Variants in SLIT2 observed in about 807,000 individuals in gnomAD.
SLIT2 encodes slit guidance ligand 2.
SLIT2 carries 41 observed loss-of-function variants against 185.7 expected under a neutral mutation model. That is an observed-to-expected ratio of 0.22 (90% CI 0.17 to 0.29). The LOEUF is 0.29. Among genes scored for constraint, SLIT2 ranks in the 10% least tolerant of loss-of-function variants. The probability of loss-of-function intolerance (pLI) is 1.00; values close to 1 mark genes in which losing one functional copy is unlikely to be tolerated. For missense variants in SLIT2, 1,571 were observed against 1,909.0 expected (o/e 0.82, Z 3.30); for synonymous variants, 693 against 680.2 (o/e 1.02, Z -0.29).
intron 4 of SLIT2, among the ~76,000 whole-genome samples, chr4:20,435,114 G>A (rs979018905): frequency 8.5e-5 from 13 of 152,238 alleles, no homozygotes; most frequent in Non-Finnish European, 1.9e-4. Flanking sequence ...TGGCAACATT[G>A]CTCCTTATTT....
intron 4 of SLIT2, among the ~76,000 whole-genome samples, chr4:20,400,818 G>A (rs1310528105): frequency 6.6e-6 from 1 of 151,794 alleles, no homozygotes; most frequent in African/African-American, 2.4e-5. Flanking sequence ...CTAAGAAAGA[G>A]ATCAGAAGTT....
chr4:20,344,583 A>G (rs564307934), intron 4 of SLIT2, among the ~76,000 whole-genome samples: 228 of 152,062 alleles, frequency 1.5e-3, no homozygotes, highest in African/African-American at 5.0e-3. Context: ...TGTAGTCAAT[A>G]TTTTCTCTTT....
rs199787404 is a variant in SLIT2 at position 20,480,676 on chromosome 4, T to C, written c.468-40T>C. On this transcript the variant is annotated intron_variant, in intron 5 of 36. Coordinates refer to ENST00000504154, the MANE Select transcript of SLIT2 (RefSeq NM_004787.4). ...TTCTCATCACCTACCCCAGCTACTG[T>C]CCATCCCTTCTACATATATTCTTCT... 29 of 1,492,746 alleles carry C rather than the reference T, an allele frequency of 1.9e-5. No individual in the cohort carries two copies. In the African/African-American group the frequency reaches 3.6e-4, roughly 18 times the overall value. 92.5% of individuals were successfully genotyped at this position (1,492,746 alleles called of 1,614,324 possible).
intron 4 of SLIT2, among the ~76,000 whole-genome samples, chr4:20,285,829 T>C (rs1715212616): frequency 6.6e-6 from 1 of 152,222 alleles, no homozygotes; most frequent in Admixed American, 6.5e-5. Flanking sequence ...ATTACAAGCA[T>C]GAGCCACCAT....
intron 4 of SLIT2, among the ~76,000 whole-genome samples, chr4:20,423,618 C>T (rs1268581479): frequency 6.6e-6 from 1 of 152,060 alleles, no homozygotes; most frequent in Admixed American, 6.6e-5. Context: ...CTTTGATTCT[C>T]ACAATTTCAC....
chr4:20,284,135 A>C (rs1483370633), intron 4 of SLIT2, among the ~76,000 whole-genome samples: 3 of 152,212 alleles, frequency 2.0e-5, no homozygotes, highest in African/African-American at 7.2e-5. Flanking sequence ...ACTTGCTGCC[A>C]TTCAGAGAAT....
chr4:20,441,541 C>CTCTCTG (rs1729753195), intron 4 of SLIT2, among the ~76,000 whole-genome samples: 1 of 147,284 alleles, frequency 6.8e-6, no homozygotes. Context: ...CTCTCTCTCT[C>CTCTCTG]TCTCTCTGTC....
At chr4:20,268,048 A>G (rs1713221637) in intron 3 of SLIT2, among the ~76,000 whole-genome samples, 1 of 151,902 alleles carries the variant, frequency 6.6e-6, no homozygotes, top group Admixed American at 6.6e-5. Context: ...GGATATGACT[A>G]CATCACAGAT....
chr4:20,522,234 T>C (rs561738963), intron 12 of SLIT2, among the ~76,000 whole-genome samples: 1 of 152,286 alleles, frequency 6.6e-6, no homozygotes, highest in East Asian at 1.9e-4. Flanking sequence ...TTGAGTCCAT[T>C]GCAACTCATC....
At chr4:20,397,545 A>G (rs7435615) in intron 4 of SLIT2, among the ~76,000 whole-genome samples, 135,779 of 151,652 alleles carry the variant, frequency 0.9, 60,859 homozygotes, top group East Asian at 0.97. Flanking sequence ...AACCACACAC[A>G]TCTTCCTTTT....
intron 4 of SLIT2, among the ~76,000 whole-genome samples, chr4:20,294,011 G>A (rs75930227): frequency 2.0e-5 from 3 of 151,842 alleles, no homozygotes; most frequent in East Asian, 1.9e-4. Flanking sequence ...AACTGTATAT[G>A]ATGCTTCTCA....
intron 4 of SLIT2, among the ~76,000 whole-genome samples, chr4:20,280,975 G>A (rs1322531760): frequency 6.6e-6 from 1 of 151,960 alleles, no homozygotes; most frequent in Admixed American, 6.6e-5. Context: ...TGGGATTACA[G>A]GCATGCGCCA....
At chr4:20,466,875 A>C (rs1490807667) in intron 4 of SLIT2, among the ~76,000 whole-genome samples, 1 of 152,120 alleles carries the variant, frequency 6.6e-6, no homozygotes, top group Non-Finnish European at 1.5e-5. Context: ...CAACTCTACT[A>C]TGTGGTAATA....
chr4:20,506,142 C>T (rs1400886188), intron 9 of SLIT2, among the ~76,000 whole-genome samples: 1 of 151,990 alleles, frequency 6.6e-6, no homozygotes, highest in African/African-American at 2.4e-5. Flanking sequence ...CAATCATTTA[C>T]ATAAGTTATG....
intron 8 of SLIT2, chr4:20,490,920 C>A: frequency 1.2e-6 from 1 of 832,538 alleles, no homozygotes; most frequent in Non-Finnish European, 2.0e-6. Context: ...TGGCACGTCA[C>A]CACCACTAGG....
intron 15 of SLIT2, 89 bp downstream of exon 15, chr4:20,525,261 G>C: frequency 1.0e-6 from 1 of 954,026 alleles, no homozygotes; most frequent in South Asian, 1.3e-5. Flanking sequence ...GCATGCTTCT[G>C]AAAGTACAGT....
At chr4:20,411,656 C>G (rs1297405053) in intron 4 of SLIT2, among the ~76,000 whole-genome samples, 4 of 152,210 alleles carry the variant, frequency 2.6e-5, no homozygotes, top group Non-Finnish European at 5.9e-5. Context: ...GATAGAGCTT[C>G]AAGATAACCC....
chr4:20,377,536 C>T (rs895561679), intron 4 of SLIT2, among the ~76,000 whole-genome samples: 5 of 152,120 alleles, frequency 3.3e-5, no homozygotes, highest in Non-Finnish European at 7.4e-5. Flanking sequence ...TACTCCATTT[C>T]GAATTGGACC....
intron 32 of SLIT2, among the ~76,000 whole-genome samples, chr4:20,597,348 G>A (rs1411316063): frequency 3.9e-5 from 6 of 152,152 alleles, no homozygotes; most frequent in African/African-American, 9.6e-5. Context: ...GATTACAGGC[G>A]TGAGCCACTG....
Sources: gnomAD v4.1 joint callset for allele counts (sites outside exome capture counted in the v4.1 genomes callset) on GRCh38, gnomAD v4.1.1 for gene constraint, MANE v1.5 for transcripts, NCBI Gene and HGNC (gene_info 2026-07-23, HGNC 2026-07-21) for gene names.